The following NPFFR2 variants were observed in gnomAD, a reference collection of about 807,000 sequenced individuals.
NPFFR2 encodes neuropeptide FF receptor 2.
A neutral mutation model predicts 13.1 loss-of-function variants in NPFFR2; 15 were observed. The observed-to-expected ratio is 1.15, with a 90% CI of 0.77 to 1.76. NPFFR2 has a LOEUF of 1.76. Ranked by LOEUF, NPFFR2 falls within the 40% of genes most tolerant of loss-of-function variation. The pLI is 0.00. For synonymous variants in NPFFR2, 190 were observed against 175.7 expected (o/e 1.08, Z -0.65); for missense variants, 572 against 503.5 (o/e 1.14, Z -1.30).
At chr4:72,145,350 A>T (rs1722742734) in intron 3 of NPFFR2, among the ~76,000 whole-genome samples, 1 of 150,304 alleles carries the variant, frequency 6.7e-6, no homozygotes, top group Non-Finnish European at 1.5e-5. Context: ...AAGCATATGT[A>T]CTTTTATATT....
At chr4:72,041,949 G>A (rs952736305) in intron 1 of NPFFR2, among the ~76,000 whole-genome samples, 6 of 152,228 alleles carry the variant, frequency 3.9e-5, no homozygotes, top group East Asian at 3.9e-4. Context: ...TGTTTACTTC[G>A]TTGAGAGTTT....
chr4:72,145,728 T>C (rs569379053), intron 3 of NPFFR2, among the ~76,000 whole-genome samples: 3 of 152,306 alleles, frequency 2.0e-5, no homozygotes, highest in African/African-American at 7.2e-5. Context: ...TAAGTTAATT[T>C]GGAGTTGCTG....
chr4:72,113,356 A>G (rs916548809), intron 1 of NPFFR2, among the ~76,000 whole-genome samples: 1 of 152,040 alleles, frequency 6.6e-6, no homozygotes, highest in African/African-American at 2.4e-5. Context: ...CACCACTAGC[A>G]CTAGCCAGGG....
intron 1 of NPFFR2, among the ~76,000 whole-genome samples, chr4:72,127,484 C>T (rs1722092382): frequency 7.0e-6 from 1 of 143,194 alleles, no homozygotes. Flanking sequence ...CTGCCTCAGC[C>T]TCCCGAGTAG....
At chr4:72,068,861 C>CT (rs11444220) in intron 1 of NPFFR2, 376,140 of 408,148 alleles carry the variant, frequency 0.92, 175,785 homozygotes, top group Non-Finnish European at 0.98. Context: ...TTTATCTTAT[C>CT]TTTTTTCCTG....
chr4:72,075,643 G>A (rs1481534112), intron 1 of NPFFR2, among the ~76,000 whole-genome samples: 1 of 151,880 alleles, frequency 6.6e-6, no homozygotes, highest in Admixed American at 6.6e-5. Context: ...TTCTTCTCAG[G>A]TACATGTAGG....
chr4:72,076,126 A>G (rs1166900830), intron 1 of NPFFR2, among the ~76,000 whole-genome samples: 1 of 152,022 alleles, frequency 6.6e-6, no homozygotes, highest in African/African-American at 2.4e-5. Flanking sequence ...AGATAAGTCT[A>G]GAAAGTTGGG....
chr4:72,147,179 G>C lies in NPFFR2; in HGVS notation c.630G>C (p.Trp210Cys). The change falls in exon 4 of 4, where the codon TGG (tryptophan) becomes TGC (cysteine). Residue 210 changes from tryptophan (W) to cysteine (C), a missense_variant. Physicochemically the swap from Trp to Cys is radical, Grantham distance 215. Transcript: ENST00000308744. ...TSPVYWCREDWPNQEMRKIYT... is the reference protein window; with the variant it reads ...TSPVYWCREDCPNQEMRKIYT... ...CAGTCTACTGGTGCCGGGAAGACTG[G>C]CCAAATCAGGAAATGAGGAAGATCT... The C allele has an allele frequency of 6.4e-7, 1 of 1,574,396 alleles. No homozygotes were observed. Among genetic ancestry groups the C allele is most frequent in the Non-Finnish European group, 8.6e-7 (1 of 1,162,142 alleles).
Position 72,147,204 on chromosome 4 carries a change from T to C in NPFFR2, c.655T>C (p.Tyr219His), listed in dbSNP as rs752968164. 4.3e-6 allele frequency: 7 copies of C among 1,614,074 alleles called. No homozygotes were observed. In the Admixed American group the frequency reaches 5.0e-5, roughly 12 times the overall value. Residue 219 changes from tyrosine to histidine, a missense_variant, in exon 4 of 4, where the codon TAC (tyrosine) becomes CAC (histidine). Tyr to His is a moderately conservative substitution (Grantham distance 83). Coordinates refer to ENST00000308744, the MANE Select transcript of NPFFR2 (RefSeq NM_004885.3). ...DWPNQEMRKI[Y>H]TTVLFANIYL... ...GCCAAATCAGGAAATGAGGAAGATC[T>C]ACACCACTGTGCTGTTTGCCAACAT...
chr4:72,115,318 C>T (rs1391414757), intron 1 of NPFFR2, among the ~76,000 whole-genome samples: 1 of 152,166 alleles, frequency 6.6e-6, no homozygotes, highest in Admixed American at 6.6e-5. Flanking sequence ...ATCATTGTAT[C>T]CCTAACACTG....
At chr4:72,110,324 T>G (rs139521021) in intron 1 of NPFFR2, among the ~76,000 whole-genome samples, 226 of 152,130 alleles carry the variant, frequency 1.5e-3, no homozygotes, top group African/African-American at 5.0e-3. Context: ...TCTCAGCCAT[T>G]CTGAACTGTC....
chr4:72,102,631 T>G (rs1721287807), intron 1 of NPFFR2, among the ~76,000 whole-genome samples: 1 of 150,790 alleles, frequency 6.6e-6, no homozygotes, highest in East Asian at 2.0e-4. Flanking sequence ...CGGTGTTTGT[T>G]TTTTTGTCCT....
At chr4:72,049,128 A>C (rs1719468722) in intron 1 of NPFFR2, among the ~76,000 whole-genome samples, 3 of 152,128 alleles carry the variant, frequency 2.0e-5, no homozygotes, top group Admixed American at 2.0e-4. Flanking sequence ...GTTTTATCTG[A>C]AAGTGAATAA....
chr4:72,114,633 A>G (rs549852711), intron 1 of NPFFR2, among the ~76,000 whole-genome samples: 1 of 152,314 alleles, frequency 6.6e-6, no homozygotes, highest in Non-Finnish European at 1.5e-5. Context: ...AATAAAAAGT[A>G]GTAAAATGTA....
At chr4:72,113,605 T>G (rs1291380588) in intron 1 of NPFFR2, among the ~76,000 whole-genome samples, 3 of 152,142 alleles carry the variant, frequency 2.0e-5, no homozygotes, top group South Asian at 4.1e-4. Flanking sequence ...TAAAGCATAG[T>G]TCTGCTTGCA....
At chr4:72,082,724 A>G (rs79764695) in intron 1 of NPFFR2, among the ~76,000 whole-genome samples, 3,964 of 152,162 alleles carry the variant, frequency 0.026, 137 homozygotes, top group African/African-American at 0.079. Context: ...ATTAACTGTA[A>G]TTACCTCGAT....
At chr4:72,143,012 G>T (rs1283924346) in intron 3 of NPFFR2, among the ~76,000 whole-genome samples, 2 of 152,196 alleles carry the variant, frequency 1.3e-5, no homozygotes, top group African/African-American at 4.8e-5. Context: ...TTAGGACAGG[G>T]AGTAGTGGAT....
chr4:72,066,276 TGAA>T (rs1720065099), intron 1 of NPFFR2, among the ~76,000 whole-genome samples: 1 of 152,014 alleles, frequency 6.6e-6, no homozygotes, highest in East Asian at 1.9e-4. Flanking sequence ...ATTCCACTAA[TGAA>T]GAAGGATCCC....
intron 1 of NPFFR2, among the ~76,000 whole-genome samples, chr4:72,120,207 C>T (rs910543480): frequency 3.3e-5 from 5 of 152,218 alleles, no homozygotes; most frequent in African/African-American, 1.2e-4. Context: ...CAGACTACCT[C>T]TCTAGATTCC....
Sources: allele counts gnomAD v4.1 joint callset (sites outside exome capture counted in the v4.1 genomes callset), GRCh38; gene constraint gnomAD v4.1.1; transcripts MANE v1.5; gene names NCBI Gene and HGNC (gene_info 2026-07-23, HGNC 2026-07-21).